Variants in PRKCB observed in about 807,000 individuals in gnomAD.
The protein encoded by PRKCB is protein kinase C beta.
PRKCB carries 13 observed loss-of-function variants against 81.5 expected under a neutral mutation model. That is an observed-to-expected ratio of 0.16 (90% confidence interval 0.10 to 0.25). The LOEUF is 0.25. Among genes scored for constraint, PRKCB ranks in the 10% least tolerant of loss-of-function variants. The pLI, the probability that PRKCB is intolerant of heterozygous loss-of-function variation, is 1.00. For synonymous variants in PRKCB, 335 were observed against 321.4 expected (o/e 1.04, Z -0.45); for missense variants, 509 against 875.7 (o/e 0.58, Z 5.29).
chr16:24,023,570 G>A (rs888895637), intron 3 of PRKCB, among the ~76,000 whole-genome samples: 12 of 151,994 alleles, frequency 7.9e-5, no homozygotes, highest in African/African-American at 9.7e-5. Flanking sequence ...GGGTTTCACC[G>A]TGTTAGCCAG....
chr16:24,178,548 G>T (rs191351793), intron 12 of PRKCB, among the ~76,000 whole-genome samples: 1 of 152,234 alleles, frequency 6.6e-6, no homozygotes, highest in Admixed American at 6.5e-5. Context: ...CACTATTAGA[G>T]AAATCACATA....
At chr16:24,065,844 G>A (rs1353322783) in intron 5 of PRKCB, among the ~76,000 whole-genome samples, 1 of 151,970 alleles carries the variant, frequency 6.6e-6, no homozygotes, top group African/African-American at 2.4e-5. Context: ...TCCCATCTCT[G>A]GGGAAAAAAA....
chr16:24,153,991 AT>A (rs1050619168), intron 9 of PRKCB, among the ~76,000 whole-genome samples: 3 of 152,242 alleles, frequency 2.0e-5, no homozygotes, highest in Admixed American at 6.5e-5. Context: ...TTCAACAAAC[AT>A]TTATTGAACA....
At chr16:24,140,453 A>G (rs1308371178) in intron 9 of PRKCB, among the ~76,000 whole-genome samples, 2 of 151,906 alleles carry the variant, frequency 1.3e-5, no homozygotes, top group African/African-American at 4.8e-5. Context: ...TTTACACACA[A>G]AGACTCAAAT....
At chr16:23,895,627 C>T (rs1963366892) in intron 2 of PRKCB, among the ~76,000 whole-genome samples, 1 of 152,130 alleles carries the variant, frequency 6.6e-6, no homozygotes, top group African/African-American at 2.4e-5. Context: ...ATTCTCCAGT[C>T]TTATTGTGAA....
At chr16:23,976,982 G>C (rs1964635604) in intron 2 of PRKCB, among the ~76,000 whole-genome samples, 1 of 152,142 alleles carries the variant, frequency 6.6e-6, no homozygotes, top group South Asian at 2.1e-4. Flanking sequence ...AAATAAATTT[G>C]GTAACATTAT....
intron 5 of PRKCB, among the ~76,000 whole-genome samples, chr16:24,055,501 C>T (rs953009624): frequency 1.3e-5 from 2 of 152,234 alleles, no homozygotes; most frequent in Non-Finnish European, 2.9e-5. Context: ...CCTGCTTCAG[C>T]TCAGAGAATG....
chr16:24,070,147 ATTTTT>A (rs761693030), intron 5 of PRKCB, among the ~76,000 whole-genome samples: 1 of 134,942 alleles, frequency 7.4e-6, no homozygotes. Flanking sequence ...AAACCAGGGG[ATTTTT>A]TTTTTTTTTT....
intron 5 of PRKCB, among the ~76,000 whole-genome samples, chr16:24,086,614 T>C (rs1401546710): frequency 6.6e-6 from 1 of 152,228 alleles, no homozygotes; most frequent in African/African-American, 2.4e-5. Flanking sequence ...AATAGATTCT[T>C]GGAAACTGTA....
At chr16:24,014,273 G>A (rs1965246093) in intron 3 of PRKCB, among the ~76,000 whole-genome samples, 1 of 152,178 alleles carries the variant, frequency 6.6e-6, no homozygotes, top group Admixed American at 6.5e-5. Context: ...CAGGGGGAGA[G>A]GGGTGGGGAG....
intron 5 of PRKCB, among the ~76,000 whole-genome samples, chr16:24,065,624 T>C (rs1205051977): frequency 6.6e-6 from 1 of 152,212 alleles, no homozygotes; most frequent in East Asian, 1.9e-4. Flanking sequence ...CTTTCTTACA[T>C]TTTCACATTT....
At chr16:24,176,048 TGG>T (rs946004539) in intron 12 of PRKCB, among the ~76,000 whole-genome samples, 1 of 149,644 alleles carries the variant, frequency 6.7e-6, no homozygotes, top group Non-Finnish European at 1.5e-5. Context: ...GGCCAGGCTA[TGG>T]GATGCTGGTA....
intron 2 of PRKCB, among the ~76,000 whole-genome samples, chr16:23,905,966 C>T (rs1004909918): frequency 1.3e-5 from 2 of 152,090 alleles, no homozygotes; most frequent in African/African-American, 2.4e-5. Context: ...CCCTGATGAT[C>T]GACATTGGTG....
chr16:24,024,624 T>C (rs1029739293), intron 3 of PRKCB, among the ~76,000 whole-genome samples: 2 of 152,154 alleles, frequency 1.3e-5, no homozygotes, highest in South Asian at 4.1e-4. Flanking sequence ...CAATCAAATA[T>C]AAAATTAGCA....
intron 2 of PRKCB, among the ~76,000 whole-genome samples, chr16:23,926,146 C>T (rs910805007): frequency 2.0e-5 from 3 of 151,946 alleles, no homozygotes; most frequent in Non-Finnish European, 4.4e-5. Flanking sequence ...TGTTGTGTAC[C>T]TGTGGTCCCA....
intron 2 of PRKCB, among the ~76,000 whole-genome samples, chr16:23,910,228 G>T (rs1963629509): frequency 6.6e-6 from 1 of 152,126 alleles, no homozygotes; most frequent in Non-Finnish European, 1.5e-5. Flanking sequence ...TCACTTGATG[G>T]AAAGAGTCAA....
At chr16:23,861,105 C>T (rs1043242414) in intron 2 of PRKCB, among the ~76,000 whole-genome samples, 5 of 151,732 alleles carry the variant, frequency 3.3e-5, no homozygotes, top group African/African-American at 1.2e-4. Context: ...TCATACTCAC[C>T]TTCTATTTAT....
chr16:24,092,936 G>A lies in PRKCB; in HGVS notation c.675G>A (p.Glu225=). The change falls in exon 6 of 17, where the codon GAG becomes GAA. Residue 225 remains glutamate (E), a synonymous_variant. Coordinates refer to ENST00000643927, the MANE Select transcript of PRKCB (RefSeq NM_002738.7). ...IKCSLNPEWN[E]TFRFQLKESD... The stretch of plus-strand genomic sequence containing the variant: ...GCTCCCTCAACCCTGAGTGGAATGA[G>A]ACATTTAGATTGTAAGTGGAAATGA... 7 of 1,613,688 alleles carry A rather than the reference G, an allele frequency of 4.3e-6. No homozygotes were observed. The highest frequency in any genetic ancestry group is 5.9e-6 in the Non-Finnish European group (7 of 1,179,968).
At chr16:23,872,190 C>T (rs141040863) in intron 2 of PRKCB, among the ~76,000 whole-genome samples, 102 of 152,322 alleles carry the variant, frequency 6.7e-4, no homozygotes, top group African/African-American at 2.3e-3. Flanking sequence ...GTTCCTGTTA[C>T]AGCACTTCCA....
Sources: allele counts gnomAD v4.1 joint callset (sites outside exome capture counted in the v4.1 genomes callset), GRCh38; gene constraint gnomAD v4.1.1; transcripts MANE v1.5; gene names NCBI Gene and HGNC (gene_info 2026-07-23, HGNC 2026-07-21).